The following MAML2 variants were observed in gnomAD, a reference collection of about 807,000 sequenced individuals.
MAML2 encodes the protein mastermind like transcriptional coactivator 2.
Under a neutral mutation model 96.1 loss-of-function variants are expected in MAML2, and 22 were observed. That is an observed-to-expected ratio of 0.23 (90% CI 0.16 to 0.33). The LOEUF is 0.33. Among genes scored for constraint, MAML2 ranks in the 10% least tolerant of loss-of-function variants. The pLI, the probability that MAML2 is intolerant of heterozygous loss-of-function variation, is 1.00. For missense variants in MAML2, 1,367 were observed against 1,392.4 expected, an observed-to-expected ratio of 0.98 and a Z score of 0.29; for synonymous variants, 561 against 521.3, an observed-to-expected ratio of 1.08 and a Z score of -1.04.
chr11:96,233,589 G>C (rs1862326756), intron 1 of MAML2, among the ~76,000 whole-genome samples: 1 of 151,976 alleles, frequency 6.6e-6, no homozygotes, highest in Non-Finnish European at 1.5e-5. Context: ...TAAATTTTTT[G>C]TAGAGACAGG....
intron 1 of MAML2, among the ~76,000 whole-genome samples, chr11:96,117,453 A>C (rs1268473844): frequency 6.6e-6 from 1 of 151,858 alleles, no homozygotes. Flanking sequence ...ATGTCACCAC[A>C]CCCAGCTGAT....
chr11:96,227,120 T>C (rs1378016860), intron 1 of MAML2, among the ~76,000 whole-genome samples: 5 of 152,224 alleles, frequency 3.3e-5, no homozygotes, highest in Non-Finnish European at 1.5e-5. Context: ...CAGCAAGTTC[T>C]CTCTGCTTAG....
chr11:96,244,660 G>A (rs1402649990), intron 1 of MAML2, among the ~76,000 whole-genome samples: 1 of 152,072 alleles, frequency 6.6e-6, no homozygotes, highest in African/African-American at 2.4e-5. Flanking sequence ...CGACTCTACA[G>A]AACTATGATT....
At chr11:96,245,219 T>C (rs1298330551) in intron 1 of MAML2, among the ~76,000 whole-genome samples, 7 of 151,174 alleles carry the variant, frequency 4.6e-5, no homozygotes, top group Non-Finnish European at 8.9e-5. Context: ...ATCCTTCTTT[T>C]TTTTTTTTTT....
chr11:96,073,376 A>G (rs1337187711), intron 2 of MAML2, among the ~76,000 whole-genome samples: 1 of 143,612 alleles, frequency 7.0e-6, no homozygotes, highest in African/African-American at 2.6e-5. Flanking sequence ...GCTGGAGTGC[A>G]GTGGTGCTAT....
At chr11:96,055,794 C>T (rs1816547276) in intron 2 of MAML2, among the ~76,000 whole-genome samples, 1 of 152,124 alleles carries the variant, frequency 6.6e-6, no homozygotes, top group South Asian at 2.1e-4. Context: ...TGGAGTCATA[C>T]TCCAAAAGAA....
At chr11:96,033,030 T>G in intron 2 of MAML2, among the ~76,000 whole-genome samples, 1 of 152,236 alleles carries the variant, frequency 6.6e-6, no homozygotes, top group South Asian at 2.1e-4. Flanking sequence ...GCATGTAAAT[T>G]ATAGCTTAAT....
rs2135922997 is a variant in MAML2 at position 96,192,909 on chromosome 11, T to C, written c.514-99392A>G. ...GACACTGCCTTTGTGTGCAGCAGAA[T>C]TGAACTATTTTAAAATCAAAATTCT... is the stretch of plus-strand genomic sequence containing the variant. On this transcript the variant is annotated intron_variant, in intron 1 of 4. Coordinates refer to ENST00000524717, the MANE Select transcript of MAML2 (RefSeq NM_032427.4). 1.3e-5 allele frequency among the ~76,000 whole-genome samples: 2 copies of C among 152,340 alleles called. 1 individual carries two copies. The highest frequency in any genetic ancestry group is 6.8e-3 in the Middle Eastern group (2 of 294).
At position 96,233,264 on chromosome 11, in the gene MAML2, G is replaced by T. The variant is rs368666782; in HGVS notation, c.513+108119C>A. On this transcript the variant is annotated intron_variant, in intron 1 of 4. Coordinates refer to ENST00000524717, the MANE Select transcript of MAML2 (RefSeq NM_032427.4). ...CTTTACTAAATAATTCCTAGTAAAA[G>T]AAACTTTTAAATAATTTTTCTTTCA... Among the ~76,000 whole-genome samples, 6 of 152,028 alleles carry T rather than the reference G, an allele frequency of 3.9e-5. No individual in the cohort carries two copies. In the East Asian group the frequency reaches 7.7e-4, roughly 19 times the overall value.
At chr11:96,101,693 C>T (rs914991086) in intron 1 of MAML2, among the ~76,000 whole-genome samples, 16 of 152,170 alleles carry the variant, frequency 1.1e-4, no homozygotes, top group South Asian at 8.3e-4. Context: ...GCTCCATCAC[C>T]GGCAGCTCTT....
In MAML2 at chr11:95,978,623, A is replaced by T. The variant is rs958273145; in HGVS notation, c.*325T>A. The T allele has an allele frequency of 3.5e-6, 1 of 286,664 alleles. No individual in the cohort carries two copies. Among genetic ancestry groups the T allele is most frequent in the African/African-American group, 2.2e-5 (1 of 46,366 alleles). 17.8% of individuals were successfully genotyped at this position (286,664 alleles called of 1,614,324 possible). On this transcript the variant is annotated 3_prime_UTR_variant, in exon 5 of 5. Transcript: ENST00000524717. ...AACTACAAGTTCTATTACCTTTTTT[A>T]TTTTCCAGGGAAAAAGAAACTTGGG...
At chr11:96,068,829 C>CA (rs538393436) in intron 2 of MAML2, among the ~76,000 whole-genome samples, 2,499 of 76,510 alleles carry the variant, frequency 0.033, 69 homozygotes, top group African/African-American at 0.1. Context: ...GACTCCTTCT[C>CA]AAAAAAAAAA....
intron 1 of MAML2, among the ~76,000 whole-genome samples, chr11:96,325,911 T>TA (rs1221913959): frequency 1.3e-5 from 2 of 152,188 alleles, no homozygotes; most frequent in Non-Finnish European, 2.9e-5. Context: ...ACCCCTCTTC[T>TA]AGCTCTGTGG....
intron 1 of MAML2, among the ~76,000 whole-genome samples, chr11:96,111,376 G>T (rs1183925287): frequency 6.6e-6 from 1 of 152,072 alleles, no homozygotes; most frequent in Non-Finnish European, 1.5e-5. Context: ...AGCGCCAACA[G>T]TCATACGCAG....
At position 95,976,743 on chromosome 11, in the gene MAML2, T is replaced by C. The variant is rs1857657479; in HGVS notation, c.*2205A>G. The stretch of plus-strand genomic sequence containing the variant: ...ACTACTACAAAACATACTATTTATG[T>C]TAGGGTAAAAATAAGCTGACTCACA... On this transcript the variant is annotated 3_prime_UTR_variant, in exon 5 of 5. Coordinates refer to ENST00000524717, the MANE Select transcript of MAML2 (RefSeq NM_032427.4). 5.5e-6 allele frequency: 1 copy of C among 182,610 alleles called. No individual in the cohort carries two copies. The highest frequency in any genetic ancestry group is 9.0e-5 in the East Asian group (1 of 11,154). The allele number at this position is 182,610 out of a possible 1,614,324, so 11.3% of individuals were successfully genotyped here.
chr11:96,076,926 T>G (rs1228422276), intron 2 of MAML2, among the ~76,000 whole-genome samples: 2 of 152,108 alleles, frequency 1.3e-5, no homozygotes, highest in Non-Finnish European at 2.9e-5. Context: ...TCTGACCCCA[T>G]TTCAAGTGTT....
chr11:95,990,003 C>T (rs918019541), intron 3 of MAML2, among the ~76,000 whole-genome samples: 1 of 152,154 alleles, frequency 6.6e-6, no homozygotes, highest in African/African-American at 2.4e-5. Flanking sequence ...CTCCACCCTC[C>T]ACCTACAATA....
chr11:96,123,579 G>A (rs1196559152), intron 1 of MAML2, among the ~76,000 whole-genome samples: 1 of 152,220 alleles, frequency 6.6e-6, no homozygotes, highest in African/African-American at 2.4e-5. Context: ...ATTCAGATAT[G>A]ATGACATTTT....
At chr11:96,154,256 CT>C (rs1860975606) in intron 1 of MAML2, among the ~76,000 whole-genome samples, 2 of 152,134 alleles carry the variant, frequency 1.3e-5, no homozygotes, top group South Asian at 4.1e-4. Flanking sequence ...TTCTAACAAG[CT>C]CCCAGGTGCG....
Sources: allele counts gnomAD v4.1 joint callset (sites outside exome capture counted in the v4.1 genomes callset), GRCh38; gene constraint gnomAD v4.1.1; transcripts MANE v1.5; gene names NCBI Gene and HGNC (gene_info 2026-07-23, HGNC 2026-07-21).